Variants in CDK5RAP1 observed in about 807,000 individuals in gnomAD.
The protein encoded by CDK5RAP1 is mitochondrial tRNA methylthiotransferase CDK5RAP1.
A neutral mutation model predicts 64.5 loss-of-function variants in CDK5RAP1; 62 were observed. The ratio of observed to expected loss-of-function variants is 0.96; its 90% CI spans 0.78 to 1.19. The LOEUF is 1.19. CDK5RAP1 is among the 50% of genes most tolerant of loss of function. CDK5RAP1 has a pLI of 0.00. For missense variants in CDK5RAP1, 657 were observed against 735.0 expected (o/e 0.89, Z 1.23); for synonymous variants, 250 against 261.9 (o/e 0.95, Z 0.44).
intron 8 of CDK5RAP1, among the ~76,000 whole-genome samples, chr20:33,375,419 A>AAAAAG (rs1221230252): frequency 3.3e-4 from 49 of 148,684 alleles, no homozygotes; most frequent in African/African-American, 1.2e-3. Context: ...AAAAAAAAAG[A>AAAAAG]AAAAGAAAAG....
At chr20:33,388,581 C>CCCCTCT (rs1987795352) in intron 5 of CDK5RAP1, among the ~76,000 whole-genome samples, 5 of 121,672 alleles carry the variant, frequency 4.1e-5, no homozygotes, top group African/African-American at 1.6e-4. Flanking sequence ...TCCCCCTCTC[C>CCCCTCT]CTCTCTCCTT....
chr20:33,391,451 C>T (rs191295888), intron 5 of CDK5RAP1, among the ~76,000 whole-genome samples: 1 of 152,004 alleles, frequency 6.6e-6, no homozygotes, highest in Non-Finnish European at 1.5e-5. Context: ...CTAGTGGTTA[C>T]CATATTGGTG....
chr20:33,364,188 C>CTTTTTTTTTTTTTTTTTTTT (rs11479107), intron 12 of CDK5RAP1, among the ~76,000 whole-genome samples: 1 of 135,508 alleles, frequency 7.4e-6, no homozygotes. Context: ...GAAGAAATAG[C>CTTTTTTTTTTTTTTTTTTTT]TTTTTTTTTT....
chr20:33,374,714 C>A (rs1463099304), intron 8 of CDK5RAP1, among the ~76,000 whole-genome samples: 4 of 151,952 alleles, frequency 2.6e-5, no homozygotes, highest in African/African-American at 4.8e-5. Context: ...CAGGCACAAA[C>A]CACCACACCT....
chr20:33,364,825 C>T (rs1264532278), intron 12 of CDK5RAP1, among the ~76,000 whole-genome samples: 1 of 151,906 alleles, frequency 6.6e-6, no homozygotes, highest in African/African-American at 2.4e-5. Context: ...CCACCCGCCT[C>T]GGCCTTCCAA....
intron 5 of CDK5RAP1, among the ~76,000 whole-genome samples, chr20:33,389,268 C>T (rs1445148301): frequency 1.3e-5 from 2 of 151,710 alleles, no homozygotes; most frequent in African/African-American, 4.8e-5. Context: ...CGCCTCTGCC[C>T]GGCCGCGACC....
chr20:33,385,886 T>G, intron 6 of CDK5RAP1, 116 bp from the exon 7 acceptor site: 1 of 937,434 alleles, frequency 1.1e-6, no homozygotes, highest in South Asian at 1.8e-5. Context: ...CTTGCCACAA[T>G]GCTCACACTG....
intron 5 of CDK5RAP1, among the ~76,000 whole-genome samples, chr20:33,391,005 A>C (rs1158589834): frequency 6.6e-6 from 1 of 152,180 alleles, no homozygotes; most frequent in Non-Finnish European, 1.5e-5. Context: ...TAATCCCAGC[A>C]ATCTGGGAGA....
At chr20:33,387,621 AT>A in intron 5 of CDK5RAP1, 88 bp from the exon 6 acceptor site, 1 of 1,064,286 alleles carries the variant, frequency 9.4e-7, no homozygotes, top group Non-Finnish European at 1.4e-6. Flanking sequence ...TGTAGCTGGG[AT>A]TAGAGACCAG....
Position 33,372,671 on chromosome 20 carries a change from A to C in CDK5RAP1, c.1232T>G (p.Leu411Ter). Reference protein sequence around the residue: ...RGYSREAYVELVHHIRESIPG... With the variant: ...RGYSREAYVE ...AATAGATTCTCTAATATGGTGAACT[A>C]ACTCCACATAAGCTTCTCTTGAATA... The change falls in exon 10 of 14, where the codon TTA becomes TGA. Residue 411 changes from leucine (L) to a stop codon, truncating the protein, a stop_gained. Coordinates refer to ENST00000346416, the MANE Select transcript of CDK5RAP1 (RefSeq NM_016408.4). LOFTEE classifies it high-confidence loss of function. 1 of 1,577,266 alleles carries C rather than the reference A, an allele frequency of 6.3e-7. No homozygotes were observed.
intron 8 of CDK5RAP1, among the ~76,000 whole-genome samples, chr20:33,376,346 A>T (rs1018323886): frequency 2.6e-5 from 4 of 152,096 alleles, no homozygotes; most frequent in African/African-American, 9.7e-5. Context: ...AAATAAAAAT[A>T]AAAAATAAAA....
Position 33,359,118 on chromosome 20 carries a change from G to A in CDK5RAP1, c.1689C>T (p.Thr563=). 4 of 1,613,260 alleles carry A rather than the reference G, an allele frequency of 2.5e-6. No individual in the cohort carries two copies. Among genetic ancestry groups the A allele is most frequent in the Non-Finnish European group, 3.4e-6 (4 of 1,179,312 alleles). ...QPGDYVLVKI[T]SASSQTLRGH... ...CCCTAAGTGTCTGAGAACTGGCTGAGGTGATCTGAAAGAAAACCAGGCAGA... is the reference window on the plus strand; with the variant it reads ...CCCTAAGTGTCTGAGAACTGGCTGAAGTGATCTGAAAGAAAACCAGGCAGA... Residue 563 remains threonine, a synonymous_variant, in exon 14 of 14, where the codon ACC becomes ACT. Transcript: ENST00000346416.
intron 7 of CDK5RAP1, among the ~76,000 whole-genome samples, chr20:33,382,089 G>C (rs1986825400): frequency 6.6e-6 from 1 of 152,158 alleles, no homozygotes; most frequent in Non-Finnish European, 1.5e-5. Flanking sequence ...GCACCCTCCT[G>C]CCTTGGCCTC....
intron 3 of CDK5RAP1, among the ~76,000 whole-genome samples, chr20:33,394,479 C>CTTT (rs377029678): frequency 3.6e-5 from 5 of 140,532 alleles, no homozygotes; most frequent in African/African-American, 1.3e-4. Context: ...TATTTTTTTC[C>CTTT]TTTTTTTTTT....
intron 2 of CDK5RAP1, 152 bp downstream of exon 2, chr20:33,396,609 G>T (rs1159127786): frequency 7.2e-6 from 5 of 693,986 alleles, no homozygotes. Context: ...CGAGTTTCTT[G>T]ATATTAATAT....
In CDK5RAP1 at chr20:33,401,453, G is replaced by A; in HGVS notation, c.-46C>T. The A allele has an allele frequency of 2.0e-6, 2 of 985,468 alleles. No homozygotes were observed. Among genetic ancestry groups the A allele is most frequent in the Non-Finnish European group, 2.4e-6 (2 of 829,948 alleles). 61.0% of individuals were successfully genotyped at this position (985,468 alleles called of 1,614,324 possible). A position where few individuals can be genotyped will look rare whatever the true frequency, so the allele number is the denominator to read the frequency against. ...CTCCCGCAGCAGCAACAGTGCCCGG[G>A]GTCCCGCAGCGTAAGTTCTGCCGGC... On this transcript the variant is annotated 5_prime_UTR_variant, in exon 1 of 14. Transcript: ENST00000346416.
intron 11 of CDK5RAP1, among the ~76,000 whole-genome samples, chr20:33,368,074 T>C (rs1568684124): frequency 2.0e-5 from 3 of 152,200 alleles, no homozygotes; most frequent in African/African-American, 4.8e-5. Flanking sequence ...AGAACAACCC[T>C]ATGAGGTTGG....
At chr20:33,385,829 G>A (rs570854668) in intron 6 of CDK5RAP1, 59 bp from the exon 7 acceptor site, 64 of 1,513,604 alleles carry the variant, frequency 4.2e-5, no homozygotes, top group Non-Finnish European at 5.6e-5. Context: ...TATGACCCAA[G>A]GAGCAGGACT....
chr20:33,373,798 T>A, intron 9 of CDK5RAP1: 1 of 317,428 alleles, frequency 3.2e-6, no homozygotes. Context: ...TAGCCTATGT[T>A]ATGGAGTTAG....
Sources: allele counts gnomAD v4.1 joint callset (sites outside exome capture counted in the v4.1 genomes callset), GRCh38; gene constraint gnomAD v4.1.1; transcripts MANE v1.5; gene names NCBI Gene and HGNC (gene_info 2026-07-23, HGNC 2026-07-21).